The following PSD3 variants were observed in gnomAD, a reference collection of about 807,000 sequenced individuals.
PSD3 encodes PH and SEC7 domain-containing protein 3.
Under a neutral mutation model 105.5 loss-of-function variants are expected in PSD3, and 49 were observed. That is an observed-to-expected ratio of 0.46 (90% confidence interval 0.37 to 0.59). The LOEUF (loss-of-function observed/expected upper bound fraction) is 0.59. PSD3 is among the 20% of genes least tolerant of loss of function. The pLI, the probability that PSD3 is intolerant of heterozygous loss-of-function variation, is 0.00. For synonymous variants in PSD3, 557 were observed against 457.8 expected (o/e 1.22, Z -2.77); for missense variants, 1,561 against 1,263.8 (o/e 1.24, Z -3.57).
At chr8:18,924,045 T>C (rs2129467695) in intron 2 of PSD3, among the ~76,000 whole-genome samples, 1 of 152,274 alleles carries the variant, frequency 6.6e-6, no homozygotes, top group South Asian at 2.1e-4. Context: ...TTCTTAGTTA[T>C]CTTAGTATAT....
chr8:18,915,704 C>T (rs970220216), intron 2 of PSD3, among the ~76,000 whole-genome samples: 8 of 152,046 alleles, frequency 5.3e-5, no homozygotes, highest in African/African-American at 1.5e-4. Flanking sequence ...GTTAGAATGG[C>T]TAATATCAAA....
rs1194811885 is a variant in PSD3, at chr8:18,594,284, ATATATAT to A, written c.2481+6073_2481+6079del. Among the ~76,000 whole-genome samples the A allele has an allele frequency of 6.8e-4, 24 of 35,194 alleles. 4 individuals are homozygous for A. Among genetic ancestry groups the A allele is most frequent in the South Asian group, 1.1e-3 (1 of 902 alleles). The allele number at this position is 35,194 out of a possible 152,430, so 23.1% of individuals were successfully genotyped here. A position where few individuals can be genotyped will look rare whatever the true frequency, so the allele number is the denominator to read the frequency against. On this transcript the variant is annotated intron_variant, in intron 12 of 15. Transcript: ENST00000327040. ...TATATATTATTATATATATTATATA[ATATATAT>A]TATATATAATAATATATATTATTAT...
At chr8:18,771,691 A>G (rs1381750457) in intron 8 of PSD3, among the ~76,000 whole-genome samples, 2 of 152,214 alleles carry the variant, frequency 1.3e-5, no homozygotes, top group South Asian at 2.1e-4. Context: ...TTATACTGCA[A>G]TGATCTAGCT....
At chr8:18,909,354 G>C (rs1001641529) in intron 2 of PSD3, among the ~76,000 whole-genome samples, 1 of 152,150 alleles carries the variant, frequency 6.6e-6, no homozygotes, top group Non-Finnish European at 1.5e-5. Context: ...TTCAATATAT[G>C]AACGGTATAG....
rs576906471 is a variant in PSD3 at position 18,764,966 on chromosome 8, T to C, written c.2172+483A>G. On this transcript the variant is annotated intron_variant, in intron 9 of 15. Transcript: ENST00000327040. ...AAAAACATCATGCTGATGTTACCAA[T>C]AATAAAGCCAAATGCAAATAATTCA... 3.3e-5 allele frequency among the ~76,000 whole-genome samples: 5 copies of C among 152,302 alleles called. No homozygotes were observed. The South Asian group carries it at 1.0e-3, about 32-fold the overall frequency.
At chr8:18,588,586 C>T (rs1258665668) in intron 12 of PSD3, among the ~76,000 whole-genome samples, 1 of 152,174 alleles carries the variant, frequency 6.6e-6, no homozygotes, top group East Asian at 1.9e-4. Context: ...TGTATAATTT[C>T]CTTACTGCCA....
intron 1 of PSD3, among the ~76,000 whole-genome samples, chr8:19,018,927 G>T (rs1018544927): frequency 6.6e-6 from 1 of 152,138 alleles, no homozygotes; most frequent in Non-Finnish European, 1.5e-5. Flanking sequence ...CTCCTGAGTA[G>T]CTGGGACTAC....
chr8:18,998,722 G>A (rs1051126879), intron 1 of PSD3, among the ~76,000 whole-genome samples: 4 of 151,728 alleles, frequency 2.6e-5, no homozygotes, highest in Non-Finnish European at 4.4e-5. Context: ...GGTCCCAAAA[G>A]GTCCACCCTT....
chr8:18,559,298 T>C (rs1033635873), intron 14 of PSD3, among the ~76,000 whole-genome samples: 2 of 152,244 alleles, frequency 1.3e-5, no homozygotes, highest in Non-Finnish European at 2.9e-5. Flanking sequence ...TACTTGTAAA[T>C]TGTTGCTAAT....
At chr8:18,627,983 G>T (rs1439930368) in intron 11 of PSD3, among the ~76,000 whole-genome samples, 4 of 151,850 alleles carry the variant, frequency 2.6e-5, no homozygotes, top group Non-Finnish European at 5.9e-5. Context: ...AGAAACGGAA[G>T]ATATAAAATA....
chr8:18,710,323 C>G (rs1420743751), intron 9 of PSD3, among the ~76,000 whole-genome samples: 2 of 152,046 alleles, frequency 1.3e-5, no homozygotes, highest in Non-Finnish European at 2.9e-5. Context: ...TGAACAAAAC[C>G]TTCGAAAACT....
At chr8:18,612,245 T>G (rs1370729862) in intron 11 of PSD3, among the ~76,000 whole-genome samples, 1 of 152,240 alleles carries the variant, frequency 6.6e-6, no homozygotes, top group Non-Finnish European at 1.5e-5. Context: ...GTTTCCCAGA[T>G]TCTTGCTTGA....
At chr8:18,592,371 C>T (rs550665147) in intron 12 of PSD3, among the ~76,000 whole-genome samples, 12 of 152,104 alleles carry the variant, frequency 7.9e-5, no homozygotes, top group African/African-American at 2.7e-4. Context: ...GTTAAGAGAG[C>T]CTTATACACA....
At chr8:18,667,436 G>A (rs61411179) in intron 9 of PSD3, among the ~76,000 whole-genome samples, 1 of 151,984 alleles carries the variant, frequency 6.6e-6, no homozygotes, top group Non-Finnish European at 1.5e-5. Flanking sequence ...GTATTCCCAA[G>A]CCCTTAGCTA....
At chr8:18,549,931 T>C (rs1585219212) in intron 15 of PSD3, among the ~76,000 whole-genome samples, 1 of 152,190 alleles carries the variant, frequency 6.6e-6, no homozygotes, top group East Asian at 1.9e-4. Flanking sequence ...CCCAATCCCA[T>C]CTCATTTCTA....
At chr8:19,019,820 G>A (rs1183066984) in intron 1 of PSD3, among the ~76,000 whole-genome samples, 1 of 152,114 alleles carries the variant, frequency 6.6e-6, no homozygotes, top group Non-Finnish European at 1.5e-5. Context: ...TGTATGCTGG[G>A]TGGGTGAGAG....
At chr8:19,003,750 G>A (rs1349512046) in intron 1 of PSD3, among the ~76,000 whole-genome samples, 3 of 151,836 alleles carry the variant, frequency 2.0e-5, no homozygotes, top group South Asian at 4.2e-4. Context: ...GGCAGGGGGT[G>A]GGGGGTTGGG....
intron 1 of PSD3, among the ~76,000 whole-genome samples, chr8:18,979,424 G>A (rs1188177876): frequency 6.6e-6 from 1 of 152,110 alleles, no homozygotes; most frequent in African/African-American, 2.4e-5. Context: ...AGAACTGTTG[G>A]CATTTGGATT....
intron 2 of PSD3, among the ~76,000 whole-genome samples, chr8:18,893,041 T>TTGTGCACTA (rs1818914736): frequency 6.6e-6 from 1 of 152,210 alleles, no homozygotes; most frequent in Non-Finnish European, 1.5e-5. Context: ...TGTATCTGTT[T>TTGTGCACTA]TGTGCACTAT....
Sources: allele counts gnomAD v4.1 joint callset (sites outside exome capture counted in the v4.1 genomes callset), GRCh38; gene constraint gnomAD v4.1.1; transcripts MANE v1.5; gene names NCBI Gene and HGNC (gene_info 2026-07-23, HGNC 2026-07-21).